The following ATG14 variants were observed in gnomAD, a reference collection of about 807,000 sequenced individuals.
ATG14 encodes autophagy related 14.
ATG14 carries 35 observed loss-of-function variants against 60.4 expected under a neutral mutation model. The observed-to-expected ratio is 0.58, with a 90% CI of 0.44 to 0.77. The LOEUF is 0.77. Among genes scored for constraint, ATG14 ranks in the 30% least tolerant of loss-of-function variants. ATG14 has a pLI of 0.00. For missense variants in ATG14, 647 were observed against 626.3 expected (o/e 1.03, Z -0.35); for synonymous variants, 234 against 228.8 (o/e 1.02, Z -0.21).
rs773523701 is a variant in ATG14 at position 55,411,756 on chromosome 14, C to A, written c.67G>T (p.Ala23Ser). Residue 23 changes from alanine (A) to serine (S), a missense_variant, in exon 1 of 10, where the codon GCC becomes TCC. By Grantham distance (99) the Ala-to-Ser change is moderately conservative. Coordinates refer to ENST00000247178, the MANE Select transcript of ATG14 (RefSeq NM_014924.5). The stretch of plus-strand genomic sequence containing the variant: ...TCCACGGAGTCCACCAGGTCCCGGG[C>A]GAGCGGCCGGGGCCCGCAGCCAGGA... The part of the protein sequence containing the change: ...EAPGCGPRPL[A>S]RDLVDSVDDA... The A allele has an allele frequency of 7.5e-6, 12 of 1,607,478 alleles. No homozygotes were observed. Among genetic ancestry groups the A allele is most frequent in the Non-Finnish European group, 1.0e-5 (12 of 1,177,572 alleles).
intron 3 of ATG14, among the ~76,000 whole-genome samples, chr14:55,391,896 A>G (rs181364194): frequency 1.2e-4 from 19 of 152,356 alleles, no homozygotes; most frequent in Admixed American, 8.5e-4. Flanking sequence ...TTTTCAGTGC[A>G]TAACTCAAGT....
At position 55,397,476 on chromosome 14, in the gene ATG14, T is replaced by C. The variant is rs998166265; in HGVS notation, c.222-42A>G. ...CAATGTCTTATTTAAATGGTCATTT[T>C]TTCAGTTCAATGAGACTATGCAAAT... On this transcript the variant is annotated intron_variant, in intron 1 of 9. Transcript: ENST00000247178. 3.3e-6 allele frequency: 5 copies of C among 1,500,960 alleles called. No individual in the cohort carries two copies. In the African/African-American group the frequency reaches 6.8e-5, roughly 20 times the overall value. 93.0% of individuals were successfully genotyped at this position (1,500,960 alleles called of 1,614,324 possible).
In ATG14 at chr14:55,381,557, TACTC is replaced by T. The variant is rs201771367; in HGVS notation, c.877+401_877+404del. Among the ~76,000 whole-genome samples the T allele has an allele frequency of 6.6e-3, 1,002 of 152,372 alleles. 8 individuals are homozygous for T. The highest frequency in any genetic ancestry group is 0.027 in the Middle Eastern group (8 of 294). On this transcript the variant is annotated intron_variant, in intron 6 of 9. Transcript: ENST00000247178. ...GTGTCTTATCCATATGATGGAATAT[TACTC>T]AACCATAAAAACGAATGAAACACTA...
intron 9 of ATG14, among the ~76,000 whole-genome samples, chr14:55,371,230 T>C (rs1261944315): frequency 4.6e-5 from 7 of 152,218 alleles, no homozygotes; most frequent in African/African-American, 7.2e-5. Context: ...TAGAATCGTA[T>C]AGCTTGCCAT....
intron 4 of ATG14, among the ~76,000 whole-genome samples, chr14:55,388,579 AC>A: frequency 6.6e-6 from 1 of 152,364 alleles, no homozygotes; most frequent in East Asian, 1.9e-4. Context: ...TCTGTATTAT[AC>A]TATATAATGT....
intron 6 of ATG14, 143 bp downstream of exon 6, chr14:55,381,819 T>C (rs1885038459): frequency 1.5e-6 from 1 of 668,978 alleles, no homozygotes; most frequent in Non-Finnish European, 2.5e-6. Flanking sequence ...TGTTTTGAAA[T>C]GACATGGAGG....
chr14:55,402,274 T>C (rs1885411496), intron 1 of ATG14, among the ~76,000 whole-genome samples: 1 of 152,144 alleles, frequency 6.6e-6, no homozygotes, highest in African/African-American at 2.4e-5. Context: ...GGGCTAAACA[T>C]TTACTTTGTG....
chr14:55,391,157 G>T (rs968762306), intron 3 of ATG14, 165 bp from the exon 4 acceptor site: 2 of 537,958 alleles, frequency 3.7e-6, no homozygotes, highest in African/African-American at 3.9e-5. Context: ...AAAAGAGAAC[G>T]ATGTTTTTCT....
chr14:55,382,850 A>G (rs1049135192), intron 5 of ATG14, among the ~76,000 whole-genome samples: 2 of 152,246 alleles, frequency 1.3e-5, no homozygotes, highest in African/African-American at 4.8e-5. Flanking sequence ...ACTTTTGTTT[A>G]TATGGGTTAG....
At chr14:55,408,072 T>A (rs1349167029) in intron 1 of ATG14, among the ~76,000 whole-genome samples, 1 of 152,186 alleles carries the variant, frequency 6.6e-6, no homozygotes. Flanking sequence ...CTAACCACTT[T>A]AAATGCATGC....
intron 5 of ATG14, among the ~76,000 whole-genome samples, chr14:55,385,450 G>A (rs984623083): frequency 3.9e-5 from 6 of 152,272 alleles, no homozygotes; most frequent in Middle Eastern, 3.4e-3. Flanking sequence ...GCGCCACCAC[G>A]CCTGGCTAAT....
In ATG14 at chr14:55,367,444, T is replaced by C. The variant is rs1335263011; in HGVS notation, c.*2175A>G. 1 of 152,346 alleles carries C rather than the reference T, an allele frequency of 6.6e-6. No homozygotes were observed. The highest frequency in any genetic ancestry group is 2.1e-4 in the South Asian group (1 of 4,824). 9.4% of individuals were successfully genotyped at this position (152,346 alleles called of 1,614,324 possible). ...ACTTAAAACAGAGATCCCAGCAGTGTAGAAGAACCCATAAGGGGCCGGGCG... is the reference window on the plus strand; with the variant it reads ...ACTTAAAACAGAGATCCCAGCAGTGCAGAAGAACCCATAAGGGGCCGGGCG... On this transcript the variant is annotated 3_prime_UTR_variant, in exon 10 of 10. Coordinates refer to ENST00000247178, the MANE Select transcript of ATG14 (RefSeq NM_014924.5).
intron 1 of ATG14, among the ~76,000 whole-genome samples, chr14:55,403,759 T>C (rs909163706): frequency 2.8e-4 from 43 of 152,174 alleles, no homozygotes; most frequent in African/African-American, 1.0e-3. Flanking sequence ...CATAGGATAT[T>C]GAGGACTGTG....
At position 55,397,445 on chromosome 14, in the gene ATG14, A is replaced by G. The variant is rs1392622073; in HGVS notation, c.222-11T>C. ...TTCTTGTCGATAAACCTGTAACAAAAAAATTCAATGTCTTATTTAAATGGT... is the reference window on the plus strand; with the variant it reads ...TTCTTGTCGATAAACCTGTAACAAAGAAATTCAATGTCTTATTTAAATGGT... On this transcript the variant is annotated splice_polypyrimidine_tract_variant and intron_variant, in intron 1 of 9. Coordinates refer to ENST00000247178, the MANE Select transcript of ATG14 (RefSeq NM_014924.5). The G allele has an allele frequency of 3.1e-6, 5 of 1,605,382 alleles. No homozygotes were observed. Among genetic ancestry groups the G allele is most frequent in the Non-Finnish European group, 4.3e-6 (5 of 1,172,408 alleles).
At chr14:55,384,918 T>C (rs1885097175) in intron 5 of ATG14, among the ~76,000 whole-genome samples, 1 of 152,120 alleles carries the variant, frequency 6.6e-6, no homozygotes, top group Admixed American at 6.5e-5. Flanking sequence ...GACTGGGAGG[T>C]TGGAGGGGTG....
rs529355158 is a variant in ATG14 at position 55,380,304 on chromosome 14, CAT to C, written c.995+267_995+268del. ...AAAGAATTCAACGGCTGCGATTTAACATATGAGGATCTGCAGCAAACCCTCTG... is the reference window on the plus strand; with the variant it reads ...AAAGAATTCAACGGCTGCGATTTAACATGAGGATCTGCAGCAAACCCTCTG... On this transcript the variant is annotated intron_variant, in intron 7 of 9. Transcript: ENST00000247178. Among the ~76,000 whole-genome samples, 228 of 152,250 alleles carry C rather than the reference CAT, an allele frequency of 1.5e-3. 1 individual carries two copies. Among genetic ancestry groups the C allele is most frequent in the African/African-American group, 5.3e-3 (221 of 41,548 alleles).
chr14:55,390,688 A>G (rs751358098), intron 4 of ATG14, among the ~76,000 whole-genome samples: 28 of 152,160 alleles, frequency 1.8e-4, no homozygotes, highest in Non-Finnish European at 1.9e-4. Flanking sequence ...TTTTTAATTG[A>G]GAAAAGAATC....
Position 55,377,837 on chromosome 14 carries a change from C to A in ATG14, c.1154G>T (p.Ser385Ile). 1 of 1,595,254 alleles carries A rather than the reference C, an allele frequency of 6.3e-7. No individual in the cohort carries two copies. Among genetic ancestry groups the A allele is most frequent in the Admixed American group, 1.8e-5 (1 of 54,582 alleles). Residue 385 changes from serine (S) to isoleucine (I), a missense_variant, in exon 9 of 10, where the codon AGC becomes ATC. Coordinates refer to ENST00000247178, the MANE Select transcript of ATG14 (RefSeq NM_014924.5). ...TTCTTACCTGCCTAGGTGTTCAGAG[C>A]TTGGACTGACCAGGTACATTAGATT... ...LRNLMYLVSP[S>I]SEHLGRSGPF...
chr14:55,392,968 TTAGA>T (rs1231600180), intron 3 of ATG14, among the ~76,000 whole-genome samples: 3 of 152,188 alleles, frequency 2.0e-5, no homozygotes, highest in Admixed American at 6.5e-5. Context: ...TATTGAAGTC[TTAGA>T]TAGAAAAACT....
Sources: gnomAD v4.1 joint callset for allele counts (sites outside exome capture counted in the v4.1 genomes callset) on GRCh38, gnomAD v4.1.1 for gene constraint, MANE v1.5 for transcripts, NCBI Gene and HGNC (gene_info 2026-07-23, HGNC 2026-07-21) for gene names.